The following ARB2A variants were observed in gnomAD, a reference collection of about 807,000 sequenced individuals.
ARB2A encodes the protein cotranscriptional regulator ARB2A.
At chr5:93,963,648 T>G in the ARB2A span, among the ~76,000 whole-genome samples, 2 of 151,968 alleles carry the variant, frequency 1.3e-5, no homozygotes, top group Non-Finnish European at 2.9e-5. Context: ...CAACATTTCA[T>G]GCAAACAAAA....
At chr5:93,695,661 T>C in the ARB2A span, among the ~76,000 whole-genome samples, 1 of 152,122 alleles carries the variant, frequency 6.6e-6, no homozygotes, top group Non-Finnish European at 1.5e-5. Flanking sequence ...GAAATACCAT[T>C]TGACCCAGCA....
the ARB2A span, among the ~76,000 whole-genome samples, chr5:93,724,716 C>T: frequency 6.6e-6 from 1 of 151,912 alleles, no homozygotes; most frequent in African/African-American, 2.4e-5. Context: ...ATGGATAGTA[C>T]CAAACCCTAC....
At chr5:93,948,463 T>C in the ARB2A span, among the ~76,000 whole-genome samples, 4 of 152,170 alleles carry the variant, frequency 2.6e-5, no homozygotes, top group Non-Finnish European at 4.4e-5. Flanking sequence ...GTAGGCTGCC[T>C]GTTCACTCTG....
At chr5:93,900,606 G>T in the ARB2A span, among the ~76,000 whole-genome samples, 1 of 138,158 alleles carries the variant, frequency 7.2e-6, no homozygotes, top group African/African-American at 2.7e-5. Flanking sequence ...AGAGTGAGAC[G>T]CTGTCTCAAA....
At chr5:93,741,749 A>T in the ARB2A span, 8 of 630,520 alleles carry the variant, frequency 1.3e-5, no homozygotes, top group East Asian at 2.3e-4. Flanking sequence ...GGGTTAAGGG[A>T]GTGAGCCCCC....
At chr5:93,730,721 G>C in the ARB2A span, among the ~76,000 whole-genome samples, 3 of 152,102 alleles carry the variant, frequency 2.0e-5, no homozygotes, top group Admixed American at 6.6e-5. Context: ...AGCGAAAAGT[G>C]ACACAGCTTT....
the ARB2A span, among the ~76,000 whole-genome samples, chr5:93,993,590 T>G: frequency 3.3e-5 from 5 of 152,070 alleles, no homozygotes; most frequent in African/African-American, 9.7e-5. Flanking sequence ...GAGGTGTATC[T>G]CCAAAGATTA....
chr5:93,954,326 T>G, the ARB2A span, among the ~76,000 whole-genome samples: 2 of 151,960 alleles, frequency 1.3e-5, no homozygotes, highest in Non-Finnish European at 2.9e-5. Context: ...ATGGGCTCTT[T>G]AGTCAGGTGA....
chr5:93,942,209 C>T, the ARB2A span, among the ~76,000 whole-genome samples: 1 of 152,130 alleles, frequency 6.6e-6, no homozygotes, highest in Admixed American at 6.6e-5. Flanking sequence ...AACACTAGAG[C>T]TGTCATCTCA....
the ARB2A span, among the ~76,000 whole-genome samples, chr5:94,015,784 G>C: frequency 6.6e-6 from 1 of 151,762 alleles, no homozygotes; most frequent in East Asian, 1.9e-4. Context: ...ACAATGTAAA[G>C]ACCAATAATA....
the ARB2A span, among the ~76,000 whole-genome samples, chr5:93,933,616 C>T: frequency 1.3e-5 from 2 of 151,862 alleles, no homozygotes; most frequent in African/African-American, 4.8e-5. Context: ...AACACATGGA[C>T]ACAAGGAGGG....
At chr5:94,024,762 A>G in the ARB2A span, among the ~76,000 whole-genome samples, 35 of 152,124 alleles carry the variant, frequency 2.3e-4, no homozygotes, top group Non-Finnish European at 3.7e-4. Context: ...AAGATGAATA[A>G]ATATTCTGCA....
At chr5:93,756,721 AC>A in the ARB2A span, among the ~76,000 whole-genome samples, 3 of 136,658 alleles carry the variant, frequency 2.2e-5, no homozygotes, top group Non-Finnish European at 4.6e-5. Context: ...AATCTAAATG[AC>A]AGCCTTCAAG....
chr5:94,081,495 T>C, the ARB2A span, among the ~76,000 whole-genome samples: 1 of 152,218 alleles, frequency 6.6e-6, no homozygotes, highest in Admixed American at 6.5e-5. Flanking sequence ...CAATAGGATA[T>C]TATTCTTTAA....
the ARB2A span, among the ~76,000 whole-genome samples, chr5:94,091,513 T>C: frequency 6.6e-6 from 1 of 152,112 alleles, no homozygotes; most frequent in Non-Finnish European, 1.5e-5. Flanking sequence ...TGGCCTCCAG[T>C]GAAATCAACT....
At chr5:93,734,837 G>A in the ARB2A span, 4 of 151,490 alleles carry the variant, frequency 2.6e-5, no homozygotes, top group African/African-American at 9.7e-5. Context: ...TTGAGACAGA[G>A]TCTCACTTTG....
the ARB2A span, among the ~76,000 whole-genome samples, chr5:93,691,908 T>C: frequency 6.6e-6 from 1 of 152,112 alleles, no homozygotes; most frequent in African/African-American, 2.4e-5. Context: ...ACCCAGAATT[T>C]CATACCGAGC....
At chr5:93,914,039 T>C in the ARB2A span, among the ~76,000 whole-genome samples, 1 of 151,946 alleles carries the variant, frequency 6.6e-6, no homozygotes, top group African/African-American at 2.4e-5. Flanking sequence ...AGATTCCTAT[T>C]ACAATCCCGC....
At chr5:93,907,022 A>G in the ARB2A span, among the ~76,000 whole-genome samples, 1 of 151,492 alleles carries the variant, frequency 6.6e-6, no homozygotes, top group Non-Finnish European at 1.5e-5. Context: ...ATATAGATAT[A>G]TGAGCATGCA....
Sources: gnomAD v4.1 joint callset for allele counts (sites outside exome capture counted in the v4.1 genomes callset) on GRCh38, gnomAD v4.1.1 for gene constraint, MANE v1.5 for transcripts, NCBI Gene and HGNC (gene_info 2026-07-23, HGNC 2026-07-21) for gene names.